TMEM131: variants seen among roughly 807,000 people sequenced by gnomAD.
The protein encoded by TMEM131 is transmembrane protein 131, also known as 2610524E03Rik.
TMEM131 carries 66 observed loss-of-function variants against 211.6 expected under a neutral mutation model. The ratio of observed to expected loss-of-function variants is 0.31; its 90% CI spans 0.26 to 0.38. The LOEUF (loss-of-function observed/expected upper bound fraction) is 0.38. Ranked by LOEUF, TMEM131 falls within the 10% of genes least tolerant of loss-of-function variation. The probability of loss-of-function intolerance (pLI) is 1.00; values close to 1 mark genes in which losing one functional copy is unlikely to be tolerated. For missense variants in TMEM131, 2,036 were observed against 2,299.3 expected (o/e 0.89, Z 2.34); for synonymous variants, 844 against 841.3 (o/e 1.00, Z -0.06).
At chr2:97,919,456 T>C (rs1024458723) in intron 2 of TMEM131, among the ~76,000 whole-genome samples, 1 of 152,214 alleles carries the variant, frequency 6.6e-6, no homozygotes, top group Non-Finnish European at 1.5e-5. Flanking sequence ...AATTTTATTA[T>C]ATATTATTTT....
intron 1 of TMEM131, among the ~76,000 whole-genome samples, chr2:97,939,657 C>A (rs1266657370): frequency 1.3e-5 from 2 of 152,164 alleles, no homozygotes; most frequent in South Asian, 4.1e-4. Flanking sequence ...AAGAGGGAAT[C>A]CTCCCTAACT....
At chr2:97,921,258 G>T (rs750606325) in intron 2 of TMEM131, among the ~76,000 whole-genome samples, 16 of 152,046 alleles carry the variant, frequency 1.1e-4, no homozygotes, top group Non-Finnish European at 1.6e-4. Context: ...AAATACTAGG[G>T]AAAGAAAACA....
At chr2:97,928,188 A>C (rs1055976420) in intron 1 of TMEM131, among the ~76,000 whole-genome samples, 3 of 152,196 alleles carry the variant, frequency 2.0e-5, no homozygotes, top group African/African-American at 7.2e-5. Context: ...GTGAACAGAC[A>C]AACTGTGGTA....
At chr2:97,827,225 CA>C (rs1682441559) in intron 11 of TMEM131, 1 of 747,900 alleles carries the variant, frequency 1.3e-6, no homozygotes, top group Non-Finnish European at 2.5e-6. Context: ...AGGCACCTGG[CA>C]CGCGCCTTCC....
chr2:97,961,230 A>T (rs1243333258), intron 1 of TMEM131, among the ~76,000 whole-genome samples: 2 of 152,288 alleles, frequency 1.3e-5, no homozygotes, highest in African/African-American at 4.8e-5. Context: ...AGCACTGAAC[A>T]ATTGAAAAAT....
At chr2:97,928,353 C>T (rs1363035704) in intron 1 of TMEM131, among the ~76,000 whole-genome samples, 2 of 151,942 alleles carry the variant, frequency 1.3e-5, no homozygotes, top group East Asian at 1.9e-4. Context: ...ATAAGTGAAG[C>T]ACAAATATAT....
rs1678904096 is a variant in TMEM131, at chr2:97,762,463, A to ACCTCAGGTAGGGG, written c.4724-276_4724-264dup. 5 of 327,236 alleles carry ACCTCAGGTAGGGG rather than the reference A, an allele frequency of 1.5e-5. No individual in the cohort carries two copies. The South Asian group carries it at 1.6e-4, about 10-fold the overall frequency. 20.3% of individuals were successfully genotyped at this position (327,236 alleles called of 1,614,324 possible). A position where few individuals can be genotyped will look rare whatever the true frequency, so the allele number is the denominator to read the frequency against. Reference sequence around the variant, plus strand: ...GACAGTCAATGTCTTCACTTCTCCCACCTCAGGTAGGGGAGGAGGGTCTTC... The same window carrying ACCTCAGGTAGGGG: ...GACAGTCAATGTCTTCACTTCTCCCACCTCAGGTAGGGGCCTCAGGTAGGGGAGGAGGGTCTTC... On this transcript the variant is annotated intron_variant, in intron 35 of 40. Coordinates refer to ENST00000186436, the MANE Select transcript of TMEM131 (RefSeq NM_015348.2).
At chr2:97,778,509 C>T (rs1258298089) in intron 31 of TMEM131, among the ~76,000 whole-genome samples, 1 of 151,940 alleles carries the variant, frequency 6.6e-6, no homozygotes, top group Non-Finnish European at 1.5e-5. Context: ...TGAGATCGTG[C>T]CACTGCACTC....
intron 35 of TMEM131, chr2:97,764,907 C>T (rs914138302): frequency 2.6e-5 from 4 of 152,234 alleles, no homozygotes; most frequent in South Asian, 2.1e-4. Context: ...TGTGTCATTA[C>T]GTCACCAACA....
intron 8 of TMEM131, among the ~76,000 whole-genome samples, chr2:97,835,754 AG>A (rs1286275636): frequency 6.6e-6 from 1 of 152,160 alleles, no homozygotes; most frequent in African/African-American, 2.4e-5. Flanking sequence ...CCCCAGCTCT[AG>A]GGAGTTGACT....
intron 31 of TMEM131, among the ~76,000 whole-genome samples, chr2:97,786,846 C>T (rs552059400): frequency 9.8e-5 from 15 of 152,312 alleles, no homozygotes; most frequent in African/African-American, 2.6e-4. Flanking sequence ...CCACGATATC[C>T]GTTCTACTAT....
At chr2:97,897,780 T>C (rs1367501477) in intron 3 of TMEM131, among the ~76,000 whole-genome samples, 1 of 152,170 alleles carries the variant, frequency 6.6e-6, no homozygotes, top group African/African-American at 2.4e-5. Flanking sequence ...AAAGCGTTTA[T>C]GTAAGACTAG....
At chr2:97,897,581 T>C (rs915653327) in intron 3 of TMEM131, among the ~76,000 whole-genome samples, 6 of 152,158 alleles carry the variant, frequency 3.9e-5, no homozygotes, top group Admixed American at 2.0e-4. Flanking sequence ...TAATCTTGCA[T>C]TCCTAGGATA....
At chr2:97,900,314 T>C (rs1675799139) in intron 3 of TMEM131, among the ~76,000 whole-genome samples, 1 of 152,072 alleles carries the variant, frequency 6.6e-6, no homozygotes, top group South Asian at 2.1e-4. Flanking sequence ...ATTTTGTGTC[T>C]TTTGACTAAC....
chr2:97,886,435 A>G (rs1274497654), intron 4 of TMEM131, among the ~76,000 whole-genome samples: 1 of 152,078 alleles, frequency 6.6e-6, no homozygotes, highest in Non-Finnish European at 1.5e-5. Flanking sequence ...TTATTCTTAT[A>G]AATGGGTCTT....
intron 1 of TMEM131, among the ~76,000 whole-genome samples, chr2:97,945,782 C>T (rs544164146): frequency 2.0e-5 from 3 of 152,008 alleles, no homozygotes; most frequent in African/African-American, 7.2e-5. Context: ...TGAATATATG[C>T]CAAAAATTTG....
At chr2:97,995,167 T>C (rs555438943) in intron 1 of TMEM131, among the ~76,000 whole-genome samples, 30 of 152,338 alleles carry the variant, frequency 2.0e-4, no homozygotes, top group African/African-American at 6.7e-4. Context: ...AAAATGTACC[T>C]ATTCGCCGCA....
chr2:97,809,309 C>T (rs192899613), intron 19 of TMEM131, among the ~76,000 whole-genome samples: 5 of 152,326 alleles, frequency 3.3e-5, no homozygotes, highest in Non-Finnish European at 5.9e-5. Context: ...CCCTGTTGAG[C>T]TTGCGCCCTG....
intron 31 of TMEM131, among the ~76,000 whole-genome samples, chr2:97,781,986 C>G (rs1253441937): frequency 6.6e-6 from 1 of 152,222 alleles, no homozygotes; most frequent in African/African-American, 2.4e-5. Flanking sequence ...AGACTTCCAC[C>G]CTTGCAAGGC....
Sources: allele counts gnomAD v4.1 joint callset (sites outside exome capture counted in the v4.1 genomes callset), GRCh38; gene constraint gnomAD v4.1.1; transcripts MANE v1.5; gene names NCBI Gene and HGNC (gene_info 2026-07-23, HGNC 2026-07-21).